Variants in ACSL5 observed in about 807,000 individuals in gnomAD.
ACSL5 encodes long-chain-fatty-acid--CoA ligase 5.
Under a neutral mutation model 84.9 loss-of-function variants are expected in ACSL5, and 50 were observed. The ratio of observed to expected loss-of-function variants is 0.59; its 90% confidence interval spans 0.47 to 0.75. The LOEUF (loss-of-function observed/expected upper bound fraction) is 0.75, where lower values mean the gene tolerates loss of function less well. Ranked by LOEUF, ACSL5 falls within the 30% of genes least tolerant of loss-of-function variation. The probability of loss-of-function intolerance (pLI) is 0.00; values close to 1 mark genes in which losing one functional copy is unlikely to be tolerated. For synonymous variants in ACSL5, 280 were observed against 300.7 expected, an observed-to-expected ratio of 0.93 and a Z score of 0.71; for missense variants, 775 against 830.4, an observed-to-expected ratio of 0.93 and a Z score of 0.82.
rs2133663595 is a variant in ACSL5, at chr10:112,422,325, G to A, written c.1477G>A (p.Val493Ile). 1 of 1,613,328 alleles carries A rather than the reference G, an allele frequency of 6.2e-7. No individual in the cohort carries two copies. The highest frequency in any genetic ancestry group is 1.1e-5 in the South Asian group (1 of 91,026). ...NYFTVNNEGE[V>I]CIKGTNVFKG... ...ACCGCCTTGTATGTCTGCTGTGCAG[G>A]TCTGCATCAAGGGTACAAACGTGTT... The change falls in exon 17 of 21, where the codon GTC (valine) becomes ATC (isoleucine). Residue 493 changes from valine to isoleucine, a missense_variant and splice_region_variant. Val to Ile is a conservative substitution (Grantham distance 29). Transcript: ENST00000354655.
chr10:112,403,889 C>G (rs538977465), intron 3 of ACSL5, among the ~76,000 whole-genome samples: 1 of 152,136 alleles, frequency 6.6e-6, no homozygotes, highest in African/African-American at 2.4e-5. Context: ...AACCCTTCAT[C>G]GACTGGCCAT....
chr10:112,423,221 AATATATATATATAT>A (rs58826772), intron 17 of ACSL5, among the ~76,000 whole-genome samples: 4 of 16,088 alleles, frequency 2.5e-4, no homozygotes, highest in Non-Finnish European at 3.1e-4. Flanking sequence ...AAAAAAAAAA[AATATATATATATAT>A]ATATATATAG....
chr10:112,380,152 G>A (rs1044440975), intron 1 of ACSL5, among the ~76,000 whole-genome samples: 1 of 152,180 alleles, frequency 6.6e-6, no homozygotes, highest in African/African-American at 2.4e-5. Flanking sequence ...CTCACTTGAA[G>A]CCCAGTGGTG....
chr10:112,426,195 T>C, intron 18 of ACSL5, 63 bp from the exon 19 acceptor site: 1 of 1,293,768 alleles, frequency 7.7e-7, no homozygotes, highest in South Asian at 1.2e-5. Flanking sequence ...TTTATTTAAC[T>C]ACTGGGGGAC....
At chr10:112,425,754 A>G (rs139264122) in intron 18 of ACSL5, among the ~76,000 whole-genome samples, 49 of 152,324 alleles carry the variant, frequency 3.2e-4, no homozygotes, top group Non-Finnish European at 6.6e-4. Flanking sequence ...TGAGCTCCAC[A>G]TTGCACTTAG....
intron 12 of ACSL5, among the ~76,000 whole-genome samples, chr10:112,416,578 GTTTGT>G (rs1465249570): frequency 1.3e-5 from 2 of 150,342 alleles, no homozygotes; most frequent in African/African-American, 4.9e-5. Context: ...TTGTTTGTTT[GTTTGT>G]TTTAAATCTA....
intron 1 of ACSL5, among the ~76,000 whole-genome samples, chr10:112,376,826 G>A (rs1448197964): frequency 6.6e-6 from 1 of 152,038 alleles, no homozygotes; most frequent in African/African-American, 2.4e-5. Flanking sequence ...AGACCAATGG[G>A]GTGGGAGAGA....
Position 112,395,201 on chromosome 10 carries a change from T to A in ACSL5, c.156+99T>A, listed in dbSNP as rs923603450. The A allele has an allele frequency of 2.1e-5, 25 of 1,209,240 alleles. No homozygotes were observed. In the African/African-American group the frequency reaches 2.9e-4, roughly 14 times the overall value. The allele number at this position is 1,209,240 out of a possible 1,614,324, so 74.9% of individuals were successfully genotyped here. A position where few individuals can be genotyped will look rare whatever the true frequency, so the allele number is the denominator to read the frequency against. The stretch of plus-strand genomic sequence containing the variant: ...CTCATGAAGGGGATTGGGTGCAGCA[T>A]GGGAAAGTAAAGCTTTCATGTTACC... On this transcript the variant is annotated intron_variant, in intron 2 of 20. Transcript: ENST00000354655.
At chr10:112,420,955 C>A (rs1844445226) in intron 14 of ACSL5, among the ~76,000 whole-genome samples, 1 of 152,024 alleles carries the variant, frequency 6.6e-6, no homozygotes, top group South Asian at 2.1e-4. Flanking sequence ...CTCATGACCT[C>A]AGGTGATCCT....
At chr10:112,384,913 A>AT (rs1589671939) in intron 1 of ACSL5, among the ~76,000 whole-genome samples, 1 of 152,048 alleles carries the variant, frequency 6.6e-6, no homozygotes, top group Non-Finnish European at 1.5e-5. Flanking sequence ...CTGTCCAAAT[A>AT]TTTTTTTCTT....
rs527977518 is a variant in ACSL5 at position 112,422,851 on chromosome 10, C to CAA, written c.1593+425_1593+426dup. On this transcript the variant is annotated intron_variant, in intron 17 of 20. Transcript: ENST00000354655. ...AGCCTGGGTGACAGAGACTCTGTCT[C>CAA]AAAAAAAAAAAAAAAAGAACATACA... Among the ~76,000 whole-genome samples the CAA allele has an allele frequency of 7.0e-3, 398 of 56,654 alleles. 1 individual carries two copies. The highest frequency in any genetic ancestry group is 0.023 in the African/African-American group (364 of 15,652). 37.2% of individuals were successfully genotyped at this position (56,654 alleles called of 152,430 possible).
chr10:112,404,275 C>T lies in ACSL5; in HGVS notation c.266-236C>T, dbSNP rs73363051. 5.1e-3 allele frequency among the ~76,000 whole-genome samples: 771 copies of T among 152,320 alleles called. 4 individuals are homozygous for T. Among genetic ancestry groups the T allele is most frequent in the African/African-American group, 0.017 (718 of 41,570 alleles). ...TATCATGGAGGTTACATATTCAACA[C>T]TGAACCACTCCTGTTTTGTGTAGCA... On this transcript the variant is annotated intron_variant, in intron 3 of 20. Transcript: ENST00000354655.
chr10:112,427,401 G>T lies in ACSL5; in HGVS notation c.*43G>T. Reference sequence around the variant, plus strand: ...CCTGCCGGCCCACTGTGCACTGCTTGTGAGAAAATGGATTAAAAACTATTC... The same window carrying T: ...CCTGCCGGCCCACTGTGCACTGCTTTTGAGAAAATGGATTAAAAACTATTC... On this transcript the variant is annotated 3_prime_UTR_variant, in exon 21 of 21. Coordinates refer to ENST00000354655, the MANE Select transcript of ACSL5 (RefSeq NM_203379.2). 6.6e-7 allele frequency: 1 copy of T among 1,517,380 alleles called. No individual in the cohort carries two copies. Among genetic ancestry groups the T allele is most frequent in the Non-Finnish European group, 8.8e-7 (1 of 1,130,212 alleles). The allele number at this position is 1,517,380 out of a possible 1,614,324, so 94.0% of individuals were successfully genotyped here. A position where few individuals can be genotyped will look rare whatever the true frequency, so the allele number is the denominator to read the frequency against.
At chr10:112,388,972 A>G (rs530952520) in intron 1 of ACSL5, among the ~76,000 whole-genome samples, 21 of 152,204 alleles carry the variant, frequency 1.4e-4, no homozygotes, top group Non-Finnish European at 2.6e-4. Context: ...GAAAAATACA[A>G]TCTTTTAAAA....
chr10:112,398,344 C>T (rs1843792948), intron 2 of ACSL5, among the ~76,000 whole-genome samples: 1 of 1,758 alleles, frequency 5.7e-4, no homozygotes, highest in Non-Finnish European at 1.7e-3. Flanking sequence ...GGATTACAGG[C>T]GTGAGCCACC....
At chr10:112,415,467 C>T (rs1425609806) in intron 12 of ACSL5, among the ~76,000 whole-genome samples, 1 of 152,200 alleles carries the variant, frequency 6.6e-6, no homozygotes, top group African/African-American at 2.4e-5. Flanking sequence ...TATTAGCACA[C>T]GTCTCTAATA....
chr10:112,401,968 TC>T (rs1198572464), intron 3 of ACSL5, among the ~76,000 whole-genome samples: 1 of 149,934 alleles, frequency 6.7e-6, no homozygotes, highest in Non-Finnish European at 1.5e-5. Flanking sequence ...TCTCTCTCTC[TC>T]CTTCTGTCTT....
intron 19 of ACSL5, 136 bp from the exon 20 acceptor site, chr10:112,426,652 T>A: frequency 2.7e-6 from 2 of 745,342 alleles, no homozygotes; most frequent in East Asian, 5.2e-5. Flanking sequence ...ATATTGGGCA[T>A]ATAATGTGCT....
chr10:112,421,706 G>C (rs1181516279), intron 15 of ACSL5, 41 bp downstream of exon 15: 1 of 1,573,156 alleles, frequency 6.4e-7, no homozygotes. Context: ...CCATGGTTGG[G>C]AGAAAGGTTC....
Sources: gnomAD v4.1 joint callset for allele counts (sites outside exome capture counted in the v4.1 genomes callset) on GRCh38, gnomAD v4.1.1 for gene constraint, MANE v1.5 for transcripts, NCBI Gene and HGNC (gene_info 2026-07-23, HGNC 2026-07-21) for gene names.